ZSWIM9: variants seen among roughly 807,000 people sequenced by gnomAD.
The protein encoded by ZSWIM9 is uncharacterized protein ZSWIM9.
In ZSWIM9, 11 loss-of-function variants were observed where a neutral mutation model predicts 25.0. That is an observed-to-expected ratio of 0.44 (90% confidence interval 0.28 to 0.73). The LOEUF (loss-of-function observed/expected upper bound fraction) is 0.73, where lower values mean the gene tolerates loss of function less well. ZSWIM9 is among the 30% of genes least tolerant of loss of function. ZSWIM9 has a pLI of 0.16. For missense variants in ZSWIM9, 1,070 were observed against 1,296.5 expected, an observed-to-expected ratio of 0.83 and a Z score of 2.68; for synonymous variants, 562 against 582.1, an observed-to-expected ratio of 0.97 and a Z score of 0.50.
intron 3 of ZSWIM9, among the ~76,000 whole-genome samples, chr19:48,192,480 A>ATGT (rs1440169034): frequency 0.053 from 925 of 17,398 alleles, 168 homozygotes; most frequent in African/African-American, 0.096. Flanking sequence ...AAAAAAAAAA[A>ATGT]ATATATATAT....
Position 48,196,538 on chromosome 19 carries a change from A to G in ZSWIM9, c.2474A>G (p.Lys825Arg). 1.6e-6 allele frequency: 2 copies of G among 1,232,230 alleles called. No individual in the cohort carries two copies. Among genetic ancestry groups the G allele is most frequent in the Non-Finnish European group, 2.0e-6 (2 of 988,208 alleles). 76.3% of individuals were successfully genotyped at this position (1,232,230 alleles called of 1,614,324 possible). The change falls in exon 4 of 4, where the codon AAA (lysine) becomes AGA (arginine). Residue 825 changes from lysine to arginine, a missense_variant. Coordinates refer to ENST00000614654, the MANE Select transcript of ZSWIM9 (RefSeq NM_199341.4). ...GAGGTGGACTGGGAACCCCTGGCCA[A>G]ATTCCGAGCAGCCTGCGGGCCAGAG... Reference protein sequence around the residue: ...EEEVDWEPLAKFRAACGPELA... With the variant: ...EEEVDWEPLARFRAACGPELA...
intron 3 of ZSWIM9, among the ~76,000 whole-genome samples, chr19:48,190,136 G>A (rs10419565): frequency 0.46 from 69,493 of 150,928 alleles, 16,308 homozygotes; most frequent in African/African-American, 0.51. Flanking sequence ...CTGGGGTGGC[G>A]GAGGTCGCAG....
chr19:48,181,337 C>T (rs1366947176), intron 2 of ZSWIM9: 1 of 152,148 alleles, frequency 6.6e-6, no homozygotes, highest in Non-Finnish European at 1.5e-5. Context: ...TGCTGTTGAA[C>T]TTTATATAAA....
rs1181359347 is a variant in ZSWIM9, at chr19:48,194,923, G to A, written c.859G>A (p.Gly287Ser). Reference protein sequence around the residue: ...SLLQSAPDVKGRVRCLTAGPE... With the variant: ...SLLQSAPDVKSRVRCLTAGPE... ...GCTGCAGAGCGCGCCAGACGTCAAG[G>A]GCCGCGTGCGCTGCCTCACCGCCGG... The change falls in exon 4 of 4, where the codon GGC (glycine) becomes AGC (serine). Residue 287 changes from glycine (G) to serine (S), a missense_variant. Gly to Ser is a moderately conservative substitution (Grantham distance 56). Transcript: ENST00000614654. This position sits in a 1 kb window ranked among gnomAD's most constrained non-coding sequence, Gnocchi z 6.0. 8 of 1,317,786 alleles carry A rather than the reference G, an allele frequency of 6.1e-6. No homozygotes were observed. The highest frequency in any genetic ancestry group is 7.7e-6 in the Non-Finnish European group (8 of 1,035,394). 81.6% of individuals were successfully genotyped at this position (1,317,786 alleles called of 1,614,324 possible).
rs1040622461 is a variant in ZSWIM9 at position 48,197,506 on chromosome 19, G to A, written c.*679G>A. ...AGACCTGGAGACATCGACCCCCATC[G>A]CCTTCTGAAGAGAGAGGGAGGGCGG... On this transcript the variant is annotated 3_prime_UTR_variant, in exon 4 of 4. Transcript: ENST00000614654. The A allele has an allele frequency of 3.1e-5, 17 of 548,292 alleles. No individual in the cohort carries two copies. The highest frequency in any genetic ancestry group is 2.6e-4 in the South Asian group (11 of 42,338). 34.0% of individuals were successfully genotyped at this position (548,292 alleles called of 1,614,324 possible).
chr19:48,183,385 C>T (rs2036976138), intron 3 of ZSWIM9, among the ~76,000 whole-genome samples: 1 of 152,018 alleles, frequency 6.6e-6, no homozygotes, highest in Admixed American at 6.6e-5. Flanking sequence ...CCTCGGCCTC[C>T]CAAAGTGCTA....
chr19:48,178,170 T>C (rs2036912606), intron 2 of ZSWIM9, among the ~76,000 whole-genome samples: 1 of 152,226 alleles, frequency 6.6e-6, no homozygotes, highest in Non-Finnish European at 1.5e-5. Flanking sequence ...AGTGCTGGGA[T>C]TATAGGCGTG....
In ZSWIM9 at chr19:48,194,529, T is replaced by A; in HGVS notation, c.589-124T>A. The A allele has an allele frequency of 5.0e-6, 5 of 999,470 alleles. No individual in the cohort carries two copies. The highest frequency in any genetic ancestry group is 5.4e-6 in the Non-Finnish European group (4 of 743,750). 61.9% of individuals were successfully genotyped at this position (999,470 alleles called of 1,614,324 possible). A position where few individuals can be genotyped will look rare whatever the true frequency, so the allele number is the denominator to read the frequency against. On this transcript the variant is annotated intron_variant, in intron 3 of 3. Coordinates refer to ENST00000614654, the MANE Select transcript of ZSWIM9 (RefSeq NM_199341.4). This position sits in a 1 kb window ranked among gnomAD's most constrained non-coding sequence, Gnocchi z 6.0. ...CCTGCCGGTCAAAAGAATAAATGCA[T>A]ATGCAGGCAAGAATGAATGGGTGGT...
At chr19:48,178,282 C>T (rs115420332) in intron 2 of ZSWIM9, among the ~76,000 whole-genome samples, 4,567 of 152,198 alleles carry the variant, frequency 0.03, 157 homozygotes, top group African/African-American at 0.068. Context: ...TTCTTCACCT[C>T]GTGCATGTAG....
In ZSWIM9 at chr19:48,171,858, T is replaced by TGCGGGAGCGG. The variant is rs1233251260; in HGVS notation, c.59_68dup (p.Phe24GlyfsTer437). On this transcript the variant is annotated frameshift_variant, in exon 2 of 4. Transcript: ENST00000614654. LOFTEE classifies it high-confidence loss of function. ...GCTGCGGGGCAGGAGGAGCAGGAGC[T>TGCGGGAGCGG]GCGGGAGCGGGCCTTCTTCTCGTGG... is the stretch of plus-strand genomic sequence containing the variant. 6.5e-7 allele frequency: 1 copy of TGCGGGAGCGG among 1,534,988 alleles called. No homozygotes were observed. Among genetic ancestry groups the TGCGGGAGCGG allele is most frequent in the African/African-American group, 1.4e-5 (1 of 72,994 alleles).
intron 2 of ZSWIM9, among the ~76,000 whole-genome samples, chr19:48,173,414 T>C (rs1172134414): frequency 6.6e-6 from 1 of 152,190 alleles, no homozygotes; most frequent in Non-Finnish European, 1.5e-5. Context: ...TTCCCCCACC[T>C]CAGCCTCCCA....
chr19:48,197,521 A>T lies in ZSWIM9; in HGVS notation c.*694A>T. 3 of 466,454 alleles carry T rather than the reference A, an allele frequency of 6.4e-6. No individual in the cohort carries two copies. The highest frequency in any genetic ancestry group is 7.8e-6 in the Non-Finnish European group (2 of 256,068). The allele number at this position is 466,454 out of a possible 1,614,324, so 28.9% of individuals were successfully genotyped here. A position where few individuals can be genotyped will look rare whatever the true frequency, so the allele number is the denominator to read the frequency against. The stretch of plus-strand genomic sequence containing the variant: ...GACCCCCATCGCCTTCTGAAGAGAG[A>T]GGGAGGGCGGGCACTGGGGGTCAGG... On this transcript the variant is annotated 3_prime_UTR_variant, in exon 4 of 4. Coordinates refer to ENST00000614654, the MANE Select transcript of ZSWIM9 (RefSeq NM_199341.4).
At chr19:48,172,663 C>T (rs1343330689) in intron 2 of ZSWIM9, among the ~76,000 whole-genome samples, 4 of 151,972 alleles carry the variant, frequency 2.6e-5, no homozygotes, top group African/African-American at 9.7e-5. Flanking sequence ...ATTACAGGCA[C>T]GCGCCACCAC....
intron 3 of ZSWIM9, among the ~76,000 whole-genome samples, chr19:48,189,755 A>G (rs1421619634): frequency 6.6e-6 from 1 of 152,212 alleles, no homozygotes; most frequent in Non-Finnish European, 1.5e-5. Flanking sequence ...CTAGAAGAAT[A>G]CCAAGAACTG....
At chr19:48,193,357 C>G (rs2037121118) in intron 3 of ZSWIM9, among the ~76,000 whole-genome samples, 1 of 152,242 alleles carries the variant, frequency 6.6e-6, no homozygotes, top group South Asian at 2.1e-4. Context: ...TTCACTCACT[C>G]AGGATGTATT....
At chr19:48,192,087 T>C (rs2037099869) in intron 3 of ZSWIM9, 1 of 154,552 alleles carries the variant, frequency 6.5e-6, no homozygotes, top group Non-Finnish European at 1.5e-5. Flanking sequence ...CTACTTCATG[T>C]GTGCTTTGCA....
At chr19:48,192,448 TCAAAA>T (rs2037103637) in intron 3 of ZSWIM9, among the ~76,000 whole-genome samples, 1 of 15,896 alleles carries the variant, frequency 6.3e-5, no homozygotes, top group African/African-American at 2.8e-4. Flanking sequence ...AGACTCTGTC[TCAAAA>T]AAAAAAAAAA....
chr19:48,197,464 G>C lies in ZSWIM9; in HGVS notation c.*637G>C, dbSNP rs930064246. 16 of 573,708 alleles carry C rather than the reference G, an allele frequency of 2.8e-5. No individual in the cohort carries two copies. Among genetic ancestry groups the C allele is most frequent in the East Asian group, 2.6e-4 (9 of 34,242 alleles). The allele number at this position is 573,708 out of a possible 1,614,324, so 35.5% of individuals were successfully genotyped here. A position where few individuals can be genotyped will look rare whatever the true frequency, so the allele number is the denominator to read the frequency against. On this transcript the variant is annotated 3_prime_UTR_variant, in exon 4 of 4. Coordinates refer to ENST00000614654, the MANE Select transcript of ZSWIM9 (RefSeq NM_199341.4). Reference sequence around the variant, plus strand: ...GTAGAGACGAAATGCAAGGGGCGTGGTTTTGGTTTTTCTCCAAGACCTGGA... The same window carrying C: ...GTAGAGACGAAATGCAAGGGGCGTGCTTTTGGTTTTTCTCCAAGACCTGGA...
rs181068582 is a variant in ZSWIM9, at chr19:48,177,895, G to A, written c.276-4560G>A. ...GTACATTGAATAATTTTCTAAATGTGCATTATTTTTGTATTTTTTGAGATG... is the reference window on the plus strand; with the variant it reads ...GTACATTGAATAATTTTCTAAATGTACATTATTTTTGTATTTTTTGAGATG... On this transcript the variant is annotated intron_variant, in intron 2 of 3. Coordinates refer to ENST00000614654, the MANE Select transcript of ZSWIM9 (RefSeq NM_199341.4). Among the ~76,000 whole-genome samples, 89 of 152,242 alleles carry A rather than the reference G, an allele frequency of 5.8e-4. 1 individual carries two copies. Among genetic ancestry groups the A allele is most frequent in the Admixed American group, 1.8e-3 (27 of 15,286 alleles).
Sources: allele counts gnomAD v4.1 joint callset (sites outside exome capture counted in the v4.1 genomes callset), GRCh38; gene constraint gnomAD v4.1.1; non-coding constraint Gnocchi (gnomAD v3.1); transcripts MANE v1.5; gene names NCBI Gene and HGNC (gene_info 2026-07-23, HGNC 2026-07-21).